The following SUGCT variants were observed in gnomAD, a reference collection of about 807,000 sequenced individuals.
The protein encoded by SUGCT is succinyl-CoA:glutarate CoA-transferase.
SUGCT carries 41 observed loss-of-function variants against 55.0 expected under a neutral mutation model. That is an observed-to-expected ratio of 0.74 (90% confidence interval 0.58 to 0.97). SUGCT has a LOEUF of 0.97. Ranked by LOEUF, SUGCT falls within the 50% of genes least tolerant of loss-of-function variation. The probability of loss-of-function intolerance (pLI) is 0.00; values close to 1 mark genes in which losing one functional copy is unlikely to be tolerated. For synonymous variants in SUGCT, 187 were observed against 200.4 expected, an observed-to-expected ratio of 0.93 and a Z score of 0.56; for missense variants, 568 against 547.8, an observed-to-expected ratio of 1.04 and a Z score of -0.37.
At chr7:40,953,951 C>G in the SUGCT span, among the ~76,000 whole-genome samples, 1 of 152,184 alleles carries the variant, frequency 6.6e-6, no homozygotes, top group Non-Finnish European at 1.5e-5. Flanking sequence ...AAACTCCATG[C>G]TGGGAGAACC....
At chr7:40,920,658 A>C in the SUGCT span, among the ~76,000 whole-genome samples, 1 of 152,190 alleles carries the variant, frequency 6.6e-6, no homozygotes, top group East Asian at 1.9e-4. Context: ...TTGTCTAAAC[A>C]GGAAAATCAT....
chr7:40,534,750 A>G (rs1794273165), intron 12 of SUGCT, among the ~76,000 whole-genome samples: 1 of 152,214 alleles, frequency 6.6e-6, no homozygotes, highest in Admixed American at 6.5e-5. Flanking sequence ...TCTGATTTCC[A>G]GTAATTTCCG....
At chr7:40,904,290 A>G in the SUGCT span, among the ~76,000 whole-genome samples, 2 of 152,188 alleles carry the variant, frequency 1.3e-5, no homozygotes, top group African/African-American at 4.8e-5. Flanking sequence ...TAGGGCAAAT[A>G]AAGGGGCTTT....
chr7:40,394,703 C>T (rs1054920315), intron 9 of SUGCT, among the ~76,000 whole-genome samples: 1 of 152,176 alleles, frequency 6.6e-6, no homozygotes, highest in East Asian at 1.9e-4. Context: ...TCCACCAGTC[C>T]CTGGTAACCA....
chr7:40,363,806 A>G (rs1288002909), intron 9 of SUGCT, among the ~76,000 whole-genome samples: 2 of 151,882 alleles, frequency 1.3e-5, no homozygotes, highest in Non-Finnish European at 2.9e-5. Context: ...TGGGGTGGAG[A>G]GTTCTGTAGA....
chr7:40,302,876 G>T (rs1794621066), intron 8 of SUGCT, among the ~76,000 whole-genome samples: 1 of 151,568 alleles, frequency 6.6e-6, no homozygotes, highest in East Asian at 2.0e-4. Flanking sequence ...ATTCATGACT[G>T]TGTCTCATCA....
At chr7:40,887,126 A>G in the SUGCT span, among the ~76,000 whole-genome samples, 10 of 152,212 alleles carry the variant, frequency 6.6e-5, no homozygotes, top group Admixed American at 3.3e-4. Flanking sequence ...TGGCTGGAAG[A>G]GTGGCATGTA....
intron 6 of SUGCT, among the ~76,000 whole-genome samples, chr7:40,207,426 G>T (rs1263796172): frequency 2.6e-5 from 4 of 152,148 alleles, no homozygotes; most frequent in African/African-American, 9.7e-5. Flanking sequence ...ACAAGTATTG[G>T]TGAGGATACA....
the SUGCT span, among the ~76,000 whole-genome samples, chr7:41,012,179 T>C: frequency 1.6e-4 from 24 of 152,246 alleles, no homozygotes; most frequent in South Asian, 5.0e-3. Flanking sequence ...CCCTCCCTCA[T>C]TAGTTCCGGT....
intron 12 of SUGCT, among the ~76,000 whole-genome samples, chr7:40,542,759 A>G (rs1181040305): frequency 6.6e-6 from 1 of 152,226 alleles, no homozygotes; most frequent in Admixed American, 6.5e-5. Context: ...AAGGGGCAGA[A>G]TGGGCCTTTC....
At chr7:40,150,800 AT>A (rs1200052028) in intron 1 of SUGCT, among the ~76,000 whole-genome samples, 158 of 152,302 alleles carry the variant, frequency 1.0e-3, no homozygotes, top group African/African-American at 3.5e-3. Flanking sequence ...CTGGATTGCA[AT>A]TTCCCTGTCT....
At chr7:40,312,809 C>T (rs1158244620) in intron 8 of SUGCT, among the ~76,000 whole-genome samples, 1 of 152,138 alleles carries the variant, frequency 6.6e-6, no homozygotes, top group Non-Finnish European at 1.5e-5. Context: ...TTCAGTTCAC[C>T]TTAGCTGTAG....
intron 12 of SUGCT, among the ~76,000 whole-genome samples, chr7:40,683,177 TTTA>T (rs1784327110): frequency 6.6e-6 from 1 of 152,248 alleles, no homozygotes; most frequent in African/African-American, 2.4e-5. Context: ...TCAGTTATTC[TTTA>T]TTAATTAATT....
chr7:40,488,012 A>G (rs1391922289), intron 11 of SUGCT, among the ~76,000 whole-genome samples: 10 of 145,454 alleles, frequency 6.9e-5, no homozygotes. Flanking sequence ...TCATTCAACT[A>G]CTCTGCTCTT....
intron 1 of SUGCT, among the ~76,000 whole-genome samples, chr7:40,154,997 A>G (rs1247246529): frequency 1.3e-5 from 2 of 152,184 alleles, no homozygotes; most frequent in East Asian, 3.8e-4. Flanking sequence ...CTATTTGTAA[A>G]CAGCAGAGGC....
In SUGCT at chr7:40,541,739, A is replaced by T. The variant is rs1215938089; in HGVS notation, c.1089+45353A>T. On this transcript the variant is annotated intron_variant, in intron 12 of 13. Transcript: ENST00000335693. Reference sequence around the variant, plus strand: ...GAGATTGGATTGGGATTACAAAGGAATGTAAATATAACAGAGGGACTATTC... The same window carrying T: ...GAGATTGGATTGGGATTACAAAGGATTGTAAATATAACAGAGGGACTATTC... Among the ~76,000 whole-genome samples, 9 of 152,230 alleles carry T rather than the reference A, an allele frequency of 5.9e-5. 1 individual carries two copies. Among genetic ancestry groups the T allele is most frequent in the Admixed American group, 5.2e-4 (8 of 15,292 alleles).
chr7:40,678,568 A>G (rs377457344), intron 12 of SUGCT, among the ~76,000 whole-genome samples: 7 of 152,306 alleles, frequency 4.6e-5, no homozygotes, highest in East Asian at 1.9e-4. Flanking sequence ...GAACCCAAAA[A>G]TAAATAAATA....
At chr7:40,488,013 C>G (rs1407369382) in intron 11 of SUGCT, among the ~76,000 whole-genome samples, 1 of 148,822 alleles carries the variant, frequency 6.7e-6, no homozygotes, top group African/African-American at 2.6e-5. Context: ...CATTCAACTA[C>G]TCTGCTCTTT....
chr7:40,188,672 T>TA (rs1396053260), intron 4 of SUGCT, 92 bp downstream of exon 4: 3 of 714,020 alleles, frequency 4.2e-6, no homozygotes, highest in African/African-American at 1.9e-5. Context: ...TTTTCTTCCT[T>TA]AAAAAAATTA....
Sources: gnomAD v4.1 joint callset for allele counts (sites outside exome capture counted in the v4.1 genomes callset) on GRCh38, gnomAD v4.1.1 for gene constraint, MANE v1.5 for transcripts, NCBI Gene and HGNC (gene_info 2026-07-23, HGNC 2026-07-21) for gene names.